Variants in SARNP observed in about 807,000 individuals in gnomAD.
SARNP encodes SAP domain-containing ribonucleoprotein.
SARNP carries 5 observed loss-of-function variants against 38.1 expected under a neutral mutation model. The observed-to-expected ratio is 0.13, with a 90% confidence interval of 0.07 to 0.28. The LOEUF (loss-of-function observed/expected upper bound fraction) is 0.28. Among genes scored for constraint, SARNP ranks in the 10% least tolerant of loss-of-function variants. The probability of loss-of-function intolerance (pLI) is 1.00; values close to 1 mark genes in which losing one functional copy is unlikely to be tolerated. For synonymous variants in SARNP, 84 were observed against 80.6 expected (o/e 1.04, Z -0.23); for missense variants, 180 against 243.9 (o/e 0.74, Z 1.75).
chr12:55,786,488 T>C (rs993510443), intron 9 of SARNP, among the ~76,000 whole-genome samples: 1 of 152,046 alleles, frequency 6.6e-6, no homozygotes, highest in Non-Finnish European at 1.5e-5. Flanking sequence ...CTCACTCTGT[T>C]ACCCAGGCTG....
At position 55,777,051 on chromosome 12, in the gene SARNP, C is replaced by T. The variant is rs118184579; in HGVS notation, c.501+12024G>A. ...TTTATCAAAGTCATCAGTTCTGACA[C>T]GTTAGACGAAGGAATGCAAAGACAT... On this transcript the variant is annotated intron_variant, in intron 9 of 10. Coordinates refer to ENST00000336133, the MANE Select transcript of SARNP (RefSeq NM_033082.4). Among the ~76,000 whole-genome samples, 184 of 152,202 alleles carry T rather than the reference C, an allele frequency of 1.2e-3. 7 individuals carry two copies. The highest frequency in any genetic ancestry group is 7.5e-3 in the Admixed American group (114 of 15,294).
intron 9 of SARNP, among the ~76,000 whole-genome samples, chr12:55,787,408 T>C (rs997217836): frequency 2.0e-5 from 3 of 152,172 alleles, no homozygotes; most frequent in Non-Finnish European, 4.4e-5. Context: ...TCTAGAGAGC[T>C]AAACGCTTTC....
chr12:55,780,245 G>A (rs1424740421), intron 9 of SARNP, among the ~76,000 whole-genome samples: 2 of 152,162 alleles, frequency 1.3e-5, no homozygotes, highest in East Asian at 3.8e-4. Context: ...AAGGTCAGGA[G>A]TTCAAGACCA....
chr12:55,754,795 G>A (rs1383108840), downstream of SARNP: 1 of 152,178 alleles, frequency 6.6e-6, no homozygotes, highest in African/African-American at 2.4e-5. Context: ...GTTCCTTTTG[G>A]TACAGTCTGA....
intron 1 of SARNP, 57 bp downstream of exon 1, chr12:55,817,604 GCTACC>G (rs1880536110): frequency 2.0e-6 from 3 of 1,505,388 alleles, no homozygotes; most frequent in Non-Finnish European, 9.1e-7. Flanking sequence ...GAAGGCGCAA[GCTACC>G]CTGTAGAATT....
chr12:55,810,451 A>ATTT (rs199532602), intron 1 of SARNP, among the ~76,000 whole-genome samples: 1 of 136,042 alleles, frequency 7.4e-6, no homozygotes. Context: ...CTGACCTTGA[A>ATTT]TTTTTTTTTT....
intron 9 of SARNP, among the ~76,000 whole-genome samples, chr12:55,773,495 T>C (rs531032291): frequency 4.9e-4 from 75 of 152,320 alleles, no homozygotes; most frequent in South Asian, 1.4e-3. Flanking sequence ...CCTGTCTTAT[T>C]GCTCTCCTAC....
At chr12:55,809,332 T>C (rs1226251759) in intron 1 of SARNP, among the ~76,000 whole-genome samples, 3 of 151,906 alleles carry the variant, frequency 2.0e-5, no homozygotes, top group Non-Finnish European at 2.9e-5. Context: ...CAGTCCCAGC[T>C]ACTCAGGTGG....
intron 9 of SARNP, among the ~76,000 whole-genome samples, chr12:55,767,031 T>C (rs1878858357): frequency 6.6e-6 from 1 of 152,158 alleles, no homozygotes; most frequent in African/African-American, 2.4e-5. Context: ...AACTGAGCCC[T>C]TGAAAACAAT....
intron 7 of SARNP, among the ~76,000 whole-genome samples, chr12:55,791,208 T>C (rs1879658622): frequency 6.6e-6 from 1 of 152,356 alleles, no homozygotes; most frequent in Middle Eastern, 3.4e-3. Context: ...GGATATCTAC[T>C]AATGGGCACA....
intron 1 of SARNP, among the ~76,000 whole-genome samples, chr12:55,814,181 T>C (rs911103800): frequency 6.6e-6 from 1 of 152,092 alleles, no homozygotes; most frequent in Non-Finnish European, 1.5e-5. Flanking sequence ...ATAATAAATA[T>C]CTAAGTGGTG....
rs577427620 is a variant in SARNP, at chr12:55,790,173, A to T, written c.432+394T>A. ...TTTCACATTTCACGGATAGTATTTT[A>T]AAAAAAAAAAAAAAAGCACTATCTA... On this transcript the variant is annotated intron_variant, in intron 8 of 10. Coordinates refer to ENST00000336133, the MANE Select transcript of SARNP (RefSeq NM_033082.4). Among the ~76,000 whole-genome samples the T allele has an allele frequency of 2.4e-3, 323 of 135,942 alleles. 2 individuals carry two copies. Among genetic ancestry groups the T allele is most frequent in the East Asian group, 2.5e-3 (12 of 4,776 alleles). 89.2% of individuals were successfully genotyped at this position (135,942 alleles called of 152,430 possible).
intron 9 of SARNP, among the ~76,000 whole-genome samples, chr12:55,770,821 AAAG>A (rs1322524290): frequency 6.6e-6 from 1 of 152,206 alleles, no homozygotes; most frequent in Non-Finnish European, 1.5e-5. Flanking sequence ...TAAATACAGT[AAAG>A]AATACTGCTC....
intron 9 of SARNP, 151 bp downstream of exon 9, chr12:55,788,924 A>C: frequency 1.6e-6 from 1 of 632,532 alleles, no homozygotes; most frequent in South Asian, 1.9e-5. Context: ...CATAATCAAG[A>C]GTCAGTGAGA....
At chr12:55,791,200 A>T (rs955436373) in intron 7 of SARNP, among the ~76,000 whole-genome samples, 1 of 152,204 alleles carries the variant, frequency 6.6e-6, no homozygotes, top group African/African-American at 2.4e-5. Flanking sequence ...GTAATGGAGG[A>T]TATCTACTAA....
downstream of SARNP, chr12:55,756,003 T>G (rs1308524320): frequency 6.6e-6 from 1 of 152,356 alleles, no homozygotes; most frequent in Non-Finnish European, 1.5e-5. Flanking sequence ...TATTCCCTCA[T>G]GTATTTTTCT....
At chr12:55,808,816 A>G (rs981558813) in intron 1 of SARNP, among the ~76,000 whole-genome samples, 38 of 150,806 alleles carry the variant, frequency 2.5e-4, no homozygotes, top group Admixed American at 2.5e-3. Context: ...GCTGAAAATG[A>G]TGTAATTTCT....
intron 7 of SARNP, among the ~76,000 whole-genome samples, chr12:55,792,301 G>A (rs1039606928): frequency 2.0e-5 from 3 of 151,990 alleles, no homozygotes; most frequent in Admixed American, 2.0e-4. Context: ...AACTACTGAC[G>A]AGTCACAGGG....
chr12:55,808,129 T>C (rs957859383), intron 1 of SARNP, among the ~76,000 whole-genome samples: 2 of 152,210 alleles, frequency 1.3e-5, no homozygotes, highest in African/African-American at 4.8e-5. Context: ...TTTTGTTATA[T>C]AGTGAGTTCT....
Sources: gnomAD v4.1 joint callset for allele counts (sites outside exome capture counted in the v4.1 genomes callset) on GRCh38, gnomAD v4.1.1 for gene constraint, MANE v1.5 for transcripts, NCBI Gene and HGNC (gene_info 2026-07-23, HGNC 2026-07-21) for gene names.